The following CLCN5 variants were observed in gnomAD, a reference collection of about 807,000 sequenced individuals.
The protein encoded by CLCN5 is Cl-/H+ antiporter 5, also known as H(+)/Cl(-) exchange transporter 5.
Under a neutral mutation model 54.0 loss-of-function variants are expected in CLCN5, and 17 were observed. That is an observed-to-expected ratio of 0.31 (90% CI 0.22 to 0.47). The LOEUF is 0.47. CLCN5 is among the 20% of genes least tolerant of loss of function. The pLI, the probability that CLCN5 is intolerant of heterozygous loss-of-function variation, is 1.00. For synonymous variants in CLCN5, 222 were observed against 233.0 expected, an observed-to-expected ratio of 0.95 and a Z score of 0.43; for missense variants, 448 against 646.7, an observed-to-expected ratio of 0.69 and a Z score of 3.33.
intron 4 of CLCN5, among the ~76,000 whole-genome samples, chrX:50,057,849 A>T (rs1471779600): frequency 9.0e-6 from 1 of 110,499 alleles, no homozygotes; most frequent in Non-Finnish European, 1.9e-5. Context: ...CTTCCGCTGT[A>T]ATGTACTATC....
rs1336827460 is a variant in CLCN5, at chrX:50,036,382, CCAAA to C, written c.17-5931_17-5928del. ...ATTTACTAAAAGGACGCTTTATAAC[CCAAA>C]CAGTGAACCAGATAGCTGCTGCAGG... On this transcript the variant is annotated intron_variant, in intron 3 of 14. Transcript: ENST00000376091. 2.7e-5 allele frequency among the ~76,000 whole-genome samples: 3 copies of C among 112,031 alleles called. No homozygotes were observed. In the Admixed American group the frequency reaches 2.9e-4, roughly 11 times the overall value.
intron 3 of CLCN5, among the ~76,000 whole-genome samples, chrX:50,010,190 CTCTTTCTTT>C (rs1243024828): frequency 9.2e-6 from 1 of 108,321 alleles, no homozygotes; most frequent in East Asian, 2.9e-4. Flanking sequence ...CTTTTTCTTT[CTCTTTCTTT>C]TCTTTCTTTC....
chrX:50,077,611 A>AGT (rs1187423102), intron 7 of CLCN5, among the ~76,000 whole-genome samples: 12 of 96,383 alleles, frequency 1.2e-4, no homozygotes, highest in African/African-American at 4.6e-4. Flanking sequence ...AGAGAGAGAG[A>AGT]GAGAGAGAGA....
chrX:49,978,140 A>G (rs1488167471), intron 3 of CLCN5, among the ~76,000 whole-genome samples: 1 of 111,501 alleles, frequency 9.0e-6, no homozygotes, highest in Non-Finnish European at 1.9e-5. Context: ...ACATTTACTA[A>G]TGATATACCC....
chrX:50,072,705 G>C (rs1398994152), intron 6 of CLCN5, 117 bp downstream of exon 6: 1 of 561,298 alleles, frequency 1.8e-6, no homozygotes, highest in Non-Finnish European at 3.1e-6. Context: ...TAAATGAATT[G>C]CTGGTGAACC....
intron 4 of CLCN5, among the ~76,000 whole-genome samples, chrX:50,056,297 G>A (rs1932746670): frequency 1.8e-5 from 2 of 110,929 alleles, no homozygotes; most frequent in Non-Finnish European, 1.9e-5. Flanking sequence ...TATTAGGCAG[G>A]ATCGTGCTAC....
At chrX:50,056,460 C>T (rs1011471663) in intron 4 of CLCN5, among the ~76,000 whole-genome samples, 2 of 111,569 alleles carry the variant, frequency 1.8e-5, no homozygotes, top group Non-Finnish European at 3.8e-5. Flanking sequence ...GCGCTGTTTA[C>T]TTTTTGTGGG....
Position 50,067,603 on chromosome X carries a change from G to A in CLCN5, c.164-2276G>A, listed in dbSNP as rs905143179. 3.1e-5 allele frequency: 23 copies of A among 752,035 alleles called. No homozygotes were observed. The highest frequency in any genetic ancestry group is 3.4e-5 in the Non-Finnish European group (22 of 638,691). The allele number at this position is 752,035 out of a possible 1,213,427, so 62.0% of individuals were successfully genotyped here. ...GAACACTGGTAGTTCTTTAGGTGGC[G>A]TTTGTTGCTGTGAAAGGCAGAGAAT... On this transcript the variant is annotated intron_variant, in intron 4 of 14. Transcript: ENST00000376091.
intron 4 of CLCN5, 181 bp from the exon 5 acceptor site, chrX:50,069,698 G>T: frequency 2.0e-6 from 2 of 1,022,040 alleles, no homozygotes; most frequent in South Asian, 6.5e-5. Context: ...TCATCATTTT[G>T]TGCCTACACC....
chrX:50,014,082 C>T (rs1037735322), intron 3 of CLCN5, among the ~76,000 whole-genome samples: 3 of 111,352 alleles, frequency 2.7e-5, no homozygotes, highest in Non-Finnish European at 5.7e-5. Flanking sequence ...TTTCTTTATT[C>T]CCTCCCACAG....
chrX:49,991,028 G>A (rs112015260), intron 3 of CLCN5, among the ~76,000 whole-genome samples: 4,152 of 112,384 alleles, frequency 0.037, 194 homozygotes, highest in African/African-American at 0.13. Flanking sequence ...GCGTGTGCAA[G>A]TGTCTTTTTC....
chrX:50,083,535 G>C (rs1933781741), intron 9 of CLCN5, among the ~76,000 whole-genome samples: 1 of 111,896 alleles, frequency 8.9e-6, no homozygotes, highest in Non-Finnish European at 1.9e-5. Context: ...ACAGTTATTA[G>C]TGTAAATTTC....
intron 10 of CLCN5, 50 bp from the exon 11 acceptor site, chrX:50,086,278 A>C: frequency 8.8e-7 from 1 of 1,130,959 alleles, no homozygotes; most frequent in Non-Finnish European, 1.2e-6. Context: ...TTCACCTGAA[A>C]TAGTTTCTGC....
chrX:50,080,699 G>A lies in CLCN5; in HGVS notation c.709G>A (p.Gly237Ser), dbSNP rs1933658939. Residue 237 changes from glycine to serine, a missense_variant, in exon 8 of 15, where the codon GGC (glycine) becomes AGC (serine). Coordinates refer to ENST00000376091, the MANE Select transcript of CLCN5 (RefSeq NM_001127898.4). ...LVKVFAPYAC[G>S]SGIPEIKTIL... is the part of the protein sequence containing the mutation. ...CAAGGTGTTTGCGCCTTATGCCTGTGGCTCTGGAATCCCTGAGGTGAGTCT... is the reference window on the plus strand; with the variant it reads ...CAAGGTGTTTGCGCCTTATGCCTGTAGCTCTGGAATCCCTGAGGTGAGTCT... 1 of 1,202,788 alleles carries A rather than the reference G, an allele frequency of 8.3e-7. No individual in the cohort carries two copies. Among genetic ancestry groups the A allele is most frequent in the Admixed American group, 2.2e-5 (1 of 45,605 alleles).
chrX:50,046,480 CCTT>C (rs1557187772), intron 4 of CLCN5, among the ~76,000 whole-genome samples: 1 of 111,544 alleles, frequency 9.0e-6, no homozygotes, highest in East Asian at 2.8e-4. Context: ...CATGAGAGAG[CCTT>C]TTATATTCAA....
chrX:49,977,556 CAT>C (rs1394059809), intron 3 of CLCN5, among the ~76,000 whole-genome samples: 2 of 111,508 alleles, frequency 1.8e-5, no homozygotes, highest in Non-Finnish European at 3.8e-5. Context: ...ACACAGTTGC[CAT>C]ATGTTGTCAC....
intron 3 of CLCN5, among the ~76,000 whole-genome samples, chrX:49,979,777 A>G (rs1481823914): frequency 2.7e-5 from 3 of 111,569 alleles, no homozygotes; most frequent in East Asian, 2.8e-4. Flanking sequence ...GGTGTACATT[A>G]TGGAATGGCT....
chrX:50,035,785 T>C (rs1931966385), intron 3 of CLCN5, among the ~76,000 whole-genome samples: 1 of 112,170 alleles, frequency 8.9e-6, no homozygotes. Flanking sequence ...AGTTTTAAAC[T>C]TAACTCTCTA....
At chrX:50,001,351 C>T (rs782220510) in intron 3 of CLCN5, among the ~76,000 whole-genome samples, 43 of 110,719 alleles carry the variant, frequency 3.9e-4, no homozygotes, top group Non-Finnish European at 9.5e-5. Context: ...ACCTTCTCTA[C>T]CCAAAAAGCT....
Sources: allele counts gnomAD v4.1 joint callset (sites outside exome capture counted in the v4.1 genomes callset), GRCh38; gene constraint gnomAD v4.1.1; transcripts MANE v1.5; gene names NCBI Gene and HGNC (gene_info 2026-07-23, HGNC 2026-07-21).